The following IGBP1 variants were observed in gnomAD, a reference collection of about 807,000 sequenced individuals.
IGBP1 encodes the protein immunoglobulin binding protein 1.
Under a neutral mutation model 25.9 loss-of-function variants are expected in IGBP1, and 2 were observed. The ratio of observed to expected loss-of-function variants is 0.08; its 90% CI spans 0.03 to 0.24. The LOEUF is 0.24. IGBP1 is among the 10% of genes least tolerant of loss of function. IGBP1 has a pLI of 1.00. For missense variants in IGBP1, 187 were observed against 260.4 expected (o/e 0.72, Z 1.94); for synonymous variants, 96 against 93.4 (o/e 1.03, Z -0.16).
chrX:70,163,077 G>T (rs1271778243), intron 6 of IGBP1, among the ~76,000 whole-genome samples: 3 of 109,996 alleles, frequency 2.7e-5, no homozygotes, highest in Non-Finnish European at 5.7e-5. Flanking sequence ...TTTAGAGGTG[G>T]GTCTCACACT....
At chrX:70,141,908 AT>A (rs2085132335) in intron 3 of IGBP1, among the ~76,000 whole-genome samples, 1 of 109,870 alleles carries the variant, frequency 9.1e-6, no homozygotes, top group Non-Finnish European at 1.9e-5. Flanking sequence ...CATTTTAGAG[AT>A]TAAAAAAAAG....
intron 4 of IGBP1, among the ~76,000 whole-genome samples, chrX:70,147,622 C>T (rs1037902825): frequency 8.9e-6 from 1 of 111,776 alleles, no homozygotes; most frequent in Non-Finnish European, 1.9e-5. Flanking sequence ...AGATTACCCA[C>T]GTAGGAGACA....
chrX:70,134,985 G>A (rs2085086528), intron 3 of IGBP1, among the ~76,000 whole-genome samples, 169 bp downstream of exon 3: 1 of 112,381 alleles, frequency 8.9e-6, no homozygotes, highest in South Asian at 3.7e-4. Context: ...AGAAGCCTCT[G>A]CTTTTGTTGA....
intron 6 of IGBP1, among the ~76,000 whole-genome samples, chrX:70,161,762 T>C (rs1350281220): frequency 9.0e-6 from 1 of 111,378 alleles, no homozygotes; most frequent in East Asian, 2.8e-4. Flanking sequence ...CACACCATCA[T>C]AAACTTGAAA....
intron 6 of IGBP1, among the ~76,000 whole-genome samples, chrX:70,160,580 C>G (rs968357146): frequency 8.0e-5 from 9 of 112,056 alleles, no homozygotes; most frequent in Non-Finnish European, 3.8e-5. Context: ...TATTGTTCCA[C>G]CATCCCATGA....
chrX:70,163,158 C>T (rs758717478), intron 6 of IGBP1, among the ~76,000 whole-genome samples: 1 of 110,898 alleles, frequency 9.0e-6, no homozygotes, highest in Admixed American at 9.6e-5. Context: ...CAGCCATGCA[C>T]TACCATGCCT....
At chrX:70,137,690 G>A (rs937088361) in intron 3 of IGBP1, among the ~76,000 whole-genome samples, 2 of 105,652 alleles carry the variant, frequency 1.9e-5, no homozygotes, top group African/African-American at 3.5e-5. Context: ...AGAAGTTGAG[G>A]GCGGCCTGTC....
At chrX:70,140,005 T>A (rs2085120425) in intron 3 of IGBP1, among the ~76,000 whole-genome samples, 1 of 112,717 alleles carries the variant, frequency 8.9e-6, no homozygotes, top group Non-Finnish European at 1.9e-5. Context: ...ATGCTCGTCA[T>A]ATGGCTAATT....
At position 70,165,903 on chromosome X, in the gene IGBP1, A is replaced by T; in HGVS notation, c.942A>T (p.Thr314=). The change falls in exon 7 of 7, where the codon ACA becomes ACT. Residue 314 remains threonine, a synonymous_variant. Transcript: ENST00000356413. ...AGGAGGAAGAGGATGATGAACAAAC[A>T]CTCCACAGAGCCCGGGAGTGGGATG... ...EEKEEEDDEQ[T]LHRAREWDDW... is the part of the protein sequence containing the mutation. 1 of 1,207,967 alleles carries T rather than the reference A, an allele frequency of 8.3e-7. No homozygotes were observed. Among genetic ancestry groups the T allele is most frequent in the Non-Finnish European group, 1.1e-6 (1 of 892,966 alleles).
At chrX:70,136,698 T>TTTATTATTATTATTATTATTA (rs58340348) in intron 3 of IGBP1, among the ~76,000 whole-genome samples, 14 of 97,996 alleles carry the variant, frequency 1.4e-4, no homozygotes, top group South Asian at 9.1e-4. Context: ...TTCTTTTTTC[T>TTTATTATTATTATTATTATTA]TTATTATTAT....
chrX:70,138,480 C>CAAAAA (rs35566042), intron 3 of IGBP1, among the ~76,000 whole-genome samples: 10 of 54,266 alleles, frequency 1.8e-4, no homozygotes, highest in African/African-American at 2.3e-4. Flanking sequence ...GACCCTGTCT[C>CAAAAA]AAAAAAAAAA....
intron 6 of IGBP1, among the ~76,000 whole-genome samples, chrX:70,159,311 T>C (rs1234654573): frequency 1.8e-5 from 2 of 112,266 alleles, no homozygotes; most frequent in Non-Finnish European, 3.8e-5. Context: ...ACCTGGCATA[T>C]AGATAATAGG....
rs371210304 is a variant in IGBP1, at chrX:70,154,896, C to CA, written c.871+4584dup. On this transcript the variant is annotated intron_variant, in intron 6 of 6. Transcript: ENST00000356413. Reference sequence around the variant, plus strand: ...TGCGTGATAGAGCAAGACCGTGTCTCAAAAAAAAAAGGGAGCAGCCTGATT... The same window carrying CA: ...TGCGTGATAGAGCAAGACCGTGTCTCAAAAAAAAAAAGGGAGCAGCCTGATT... 1.0e-3 allele frequency among the ~76,000 whole-genome samples: 105 copies of CA among 100,330 alleles called. No individual in the cohort carries two copies. The East Asian group carries it at 0.018, about 17-fold the overall frequency. The allele number at this position is 100,330 out of a possible 115,157, so 87.1% of individuals were successfully genotyped here.
At chrX:70,158,281 A>C (rs750322842) in intron 6 of IGBP1, among the ~76,000 whole-genome samples, 1 of 111,782 alleles carries the variant, frequency 8.9e-6, no homozygotes, top group Non-Finnish European at 1.9e-5. Context: ...AGGGACTCAC[A>C]CTGAGGAGAA....
In IGBP1 at chrX:70,165,998, C is replaced by T. The variant is rs2085295979; in HGVS notation, c.*17C>T. 2 of 1,208,600 alleles carry T rather than the reference C, an allele frequency of 1.7e-6. No individual in the cohort carries two copies. Among genetic ancestry groups the T allele is most frequent in the African/African-American group, 1.7e-5 (1 of 57,719 alleles). Reference sequence around the variant, plus strand: ...ATGGGCTGATCTTCCCACAACACCACAGGACTGCAGGGTGCACAACTCCCC... The same window carrying T: ...ATGGGCTGATCTTCCCACAACACCATAGGACTGCAGGGTGCACAACTCCCC... On this transcript the variant is annotated 3_prime_UTR_variant, in exon 7 of 7. Coordinates refer to ENST00000356413, the MANE Select transcript of IGBP1 (RefSeq NM_001551.3).
At chrX:70,161,227 T>C (rs2085269089) in intron 6 of IGBP1, among the ~76,000 whole-genome samples, 1 of 112,142 alleles carries the variant, frequency 8.9e-6, no homozygotes, top group Non-Finnish European at 1.9e-5. Flanking sequence ...GCAGGAAATA[T>C]ACAAATAAGC....
intron 5 of IGBP1, chrX:70,149,607 TC>T (rs1210210378): frequency 2.0e-5 from 2 of 98,932 alleles, no homozygotes; most frequent in African/African-American, 8.5e-5. Flanking sequence ...TGAGCTGAGA[TC>T]ACCCCACTAC....
chrX:70,161,361 A>G (rs746271733), intron 6 of IGBP1, among the ~76,000 whole-genome samples: 1 of 111,708 alleles, frequency 9.0e-6, no homozygotes, highest in Non-Finnish European at 1.9e-5. Flanking sequence ...GACAGTAGCA[A>G]CAAGTCCATC....
At chrX:70,158,660 C>T (rs1401499151) in intron 6 of IGBP1, among the ~76,000 whole-genome samples, 5 of 109,146 alleles carry the variant, frequency 4.6e-5, no homozygotes, top group South Asian at 4.1e-4. Context: ...GGTGAAACCC[C>T]GTCTCTACTA....
Sources: gnomAD v4.1 joint callset for allele counts (sites outside exome capture counted in the v4.1 genomes callset) on GRCh38, gnomAD v4.1.1 for gene constraint, MANE v1.5 for transcripts, NCBI Gene and HGNC (gene_info 2026-07-23, HGNC 2026-07-21) for gene names.